KIF21A: variants seen among roughly 807,000 people sequenced by gnomAD.
KIF21A encodes the protein kinesin family member 21A.
KIF21A carries 114 observed loss-of-function variants against 202.9 expected under a neutral mutation model. That is an observed-to-expected ratio of 0.56 (90% confidence interval 0.48 to 0.66). KIF21A has a LOEUF of 0.66. KIF21A is among the 30% of genes least tolerant of loss of function. KIF21A has a pLI of 0.00. For missense variants in KIF21A, 1,677 were observed against 1,994.9 expected, an observed-to-expected ratio of 0.84 and a Z score of 3.04; for synonymous variants, 667 against 670.8, an observed-to-expected ratio of 0.99 and a Z score of 0.09.
chr12:39,360,114 T>C (rs1949092096), intron 7 of KIF21A, among the ~76,000 whole-genome samples: 1 of 152,090 alleles, frequency 6.6e-6, no homozygotes, highest in Admixed American at 6.6e-5. Context: ...GGATCAATTG[T>C]ATAGGGAAAA....
intron 1 of KIF21A, among the ~76,000 whole-genome samples, chr12:39,415,575 C>T (rs1334597164): frequency 6.6e-6 from 1 of 152,144 alleles, no homozygotes; most frequent in Non-Finnish European, 1.5e-5. Flanking sequence ...TTCTTTAAAA[C>T]ATAAATGATT....
At chr12:39,361,666 T>C (rs1020117400) in intron 7 of KIF21A, among the ~76,000 whole-genome samples, 36 of 150,228 alleles carry the variant, frequency 2.4e-4, no homozygotes, top group African/African-American at 5.4e-4. Flanking sequence ...CCACCACGCC[T>C]GGCTAATTTT....
intron 35 of KIF21A, 118 bp from the exon 36 acceptor site, chr12:39,303,253 C>T: frequency 2.5e-6 from 2 of 805,394 alleles, no homozygotes; most frequent in Non-Finnish European, 4.0e-6. Context: ...GTTTTGTTAT[C>T]TATTGTTTCT....
intron 1 of KIF21A, among the ~76,000 whole-genome samples, chr12:39,437,937 C>A (rs942703774): frequency 1.3e-5 from 2 of 152,050 alleles, no homozygotes; most frequent in Non-Finnish European, 2.9e-5. Flanking sequence ...AATAATTTAC[C>A]TCACATGTAT....
Position 39,307,707 on chromosome 12 carries a change from C to T in KIF21A, c.4300G>A (p.Gly1434Arg). 6.2e-7 allele frequency: 1 copy of T among 1,613,958 alleles called. No homozygotes were observed. Among genetic ancestry groups the T allele is most frequent in the Non-Finnish European group, 8.5e-7 (1 of 1,179,932 alleles). Residue 1434 changes from glycine (G) to arginine (R), a missense_variant, in exon 34 of 38, where the codon GGA becomes AGA. Physicochemically the swap from Gly to Arg is moderately radical, Grantham distance 125 (BLOSUM62 -2). This residue lies in a region of KIF21A where 705 missense variants were observed against 791.9 expected (regional missense o/e 0.89). Transcript: ENST00000361418. Reference sequence around the variant, plus strand: ...CTGGTACTTGCAGAACAAGCATCTCCAAGAGTAACTTGACCTGAAGACCTT... The same window carrying T: ...CTGGTACTTGCAGAACAAGCATCTCTAAGAGTAACTTGACCTGAAGACCTT... ...TLTSSGQVTL[G>R]DACSASTSRT...
chr12:39,361,296 T>A (rs1311228551), intron 7 of KIF21A, among the ~76,000 whole-genome samples: 2 of 152,146 alleles, frequency 1.3e-5, no homozygotes. Context: ...AATTTACACT[T>A]GGCTGAAAAA....
At chr12:39,313,771 C>T (rs1944253635) in intron 31 of KIF21A, among the ~76,000 whole-genome samples, 2 of 151,798 alleles carry the variant, frequency 1.3e-5, no homozygotes, top group Non-Finnish European at 3.0e-5. Context: ...ATAAATATTT[C>T]AGGAGAAAGA....
At chr12:39,391,717 T>C (rs1014438229) in intron 1 of KIF21A, among the ~76,000 whole-genome samples, 2 of 150,876 alleles carry the variant, frequency 1.3e-5, no homozygotes, top group African/African-American at 5.0e-5. Context: ...AATCAAATGC[T>C]AAAGACTGCA....
chr12:39,310,953 T>G (rs1036397015), intron 32 of KIF21A, among the ~76,000 whole-genome samples: 3 of 152,060 alleles, frequency 2.0e-5, no homozygotes, highest in African/African-American at 7.2e-5. Flanking sequence ...CTGAGTTTCT[T>G]TGTTTACAAA....
Position 39,370,164 on chromosome 12 carries a change from C to G in KIF21A, c.142G>C (p.Ala48Pro), listed in dbSNP as rs1181921264. ...EPQVFLGKDK[A>P]FTFDYVFDID... ...TCAAATACATAGTCAAAAGTAAAAG[C>G]CTTATCTTTCCCTAGGAAGACCTGA... Residue 48 changes from alanine (A) to proline (P), a missense_variant, in exon 2 of 38, where the codon GCT becomes CCT. Around this residue, in one of 3 missense-constraint regions of KIF21A, gnomAD observed 966 missense variants for 1,180.9 expected, o/e 0.82. Coordinates refer to ENST00000361418, the MANE Select transcript of KIF21A (RefSeq NM_001173464.2). The G allele has an allele frequency of 6.2e-7, 1 of 1,613,490 alleles. No homozygotes were observed. Among genetic ancestry groups the G allele is most frequent in the Non-Finnish European group, 8.5e-7 (1 of 1,179,584 alleles).
chr12:39,356,741 T>C (rs879059629), intron 10 of KIF21A, 91 bp downstream of exon 10: 11 of 692,822 alleles, frequency 1.6e-5, no homozygotes, highest in South Asian at 1.1e-4. Context: ...TGGACAACTG[T>C]TGAACACTAA....
At chr12:39,329,891 C>T (rs187863693) in intron 24 of KIF21A, among the ~76,000 whole-genome samples, 13 of 151,700 alleles carry the variant, frequency 8.6e-5, no homozygotes, top group Admixed American at 3.9e-4. Flanking sequence ...CATAGATGTA[C>T]GTTAATAGAT....
chr12:39,418,060 T>C (rs1195639204), intron 1 of KIF21A, among the ~76,000 whole-genome samples: 1 of 151,868 alleles, frequency 6.6e-6, no homozygotes, highest in Non-Finnish European at 1.5e-5. Flanking sequence ...ATACAAAAAT[T>C]AGTCAAGCGT....
chr12:39,397,922 T>C (rs997197798), intron 1 of KIF21A, among the ~76,000 whole-genome samples: 1 of 152,230 alleles, frequency 6.6e-6, no homozygotes, highest in Non-Finnish European at 1.5e-5. Flanking sequence ...CCTCAGATTT[T>C]GAGTATGACT....
Position 39,333,102 on chromosome 12 carries a change from C to T in KIF21A, c.2493G>A (p.Thr831=), listed in dbSNP as rs961849577. Residue 831 remains threonine, a synonymous_variant, in exon 19 of 38, where the codon ACG becomes ACA. Coordinates refer to ENST00000361418, the MANE Select transcript of KIF21A (RefSeq NM_001173464.2). The part of the protein sequence containing the change: ...VVLRRKTEEV[T]ALRRQVRPMS... ...TGGGTCTTACTTGCCGACGAAGAGC[C>T]GTAACCTGAAATTGCAGCAAAGGTT... is the stretch of plus-strand genomic sequence containing the variant. The T allele has an allele frequency of 1.4e-5, 22 of 1,613,744 alleles. No homozygotes were observed. The African/African-American group carries it at 2.5e-4, about 19-fold the overall frequency.
chr12:39,296,070 GC>G (rs1344702140), intron 37 of KIF21A, among the ~76,000 whole-genome samples: 369 of 126,590 alleles, frequency 2.9e-3, no homozygotes, highest in African/African-American at 0.012. Context: ...CTTGGGATAC[GC>G]TTTTTTTTTT....
At chr12:39,425,735 C>T (rs1026959471) in intron 1 of KIF21A, among the ~76,000 whole-genome samples, 2 of 151,890 alleles carry the variant, frequency 1.3e-5, no homozygotes, top group Non-Finnish European at 2.9e-5. Context: ...TATCAATATC[C>T]TTTTACAGAT....
chr12:39,319,743 C>A (rs1046254904), intron 28 of KIF21A, among the ~76,000 whole-genome samples, 163 bp downstream of exon 28: 1 of 152,046 alleles, frequency 6.6e-6, no homozygotes, highest in Non-Finnish European at 1.5e-5. Flanking sequence ...GAATATTAGA[C>A]CACCGAGCCA....
At chr12:39,306,729 G>A (rs1457957147) in intron 34 of KIF21A, among the ~76,000 whole-genome samples, 2 of 152,120 alleles carry the variant, frequency 1.3e-5, no homozygotes, top group African/African-American at 2.4e-5. Context: ...GCTCTAAGAA[G>A]GTAGATCTAG....
Sources: gnomAD v4.1 joint callset for allele counts (sites outside exome capture counted in the v4.1 genomes callset) on GRCh38, gnomAD v4.1.1 for gene constraint, gnomAD v4.1.1 regional missense constraint, MANE v1.5 for transcripts, NCBI Gene and HGNC (gene_info 2026-07-23, HGNC 2026-07-21) for gene names.